Variants in ATP6V1H observed in about 807,000 individuals in gnomAD.
ATP6V1H encodes ATPase H+ transporting V1 subunit H.
Under a neutral mutation model 71.7 loss-of-function variants are expected in ATP6V1H, and 39 were observed. The ratio of observed to expected loss-of-function variants is 0.54; its 90% CI spans 0.42 to 0.71. The LOEUF (loss-of-function observed/expected upper bound fraction) is 0.71, where lower values mean the gene tolerates loss of function less well. Among genes scored for constraint, ATP6V1H ranks in the 30% least tolerant of loss-of-function variants. The probability of loss-of-function intolerance (pLI) is 0.00; values close to 1 mark genes in which losing one functional copy is unlikely to be tolerated. For missense variants in ATP6V1H, 509 were observed against 594.9 expected, an observed-to-expected ratio of 0.86 and a Z score of 1.50; for synonymous variants, 192 against 199.3, an observed-to-expected ratio of 0.96 and a Z score of 0.31.
chr8:53,817,579 A>T, intron 4 of ATP6V1H, 49 bp from the exon 5 acceptor site: 1 of 1,217,538 alleles, frequency 8.2e-7, no homozygotes, highest in Non-Finnish European at 1.2e-6. Flanking sequence ...ATTTTGCTAA[A>T]GAATGTAACG....
chr8:53,772,047 T>C lies in ATP6V1H; in HGVS notation c.991A>G (p.Ile331Val), dbSNP rs1319508395. Residue 331 changes from isoleucine to valine, a missense_variant, in exon 10 of 14, where the codon ATC becomes GTC. By Grantham distance (29) the Ile-to-Val change is conservative. Around this residue, in one of 2 missense-constraint regions of ATP6V1H, gnomAD observed 212 missense variants for 291.6 expected, o/e 0.73. Coordinates refer to ENST00000359530, the MANE Select transcript of ATP6V1H (RefSeq NM_015941.4). ...LEQQKYDDED[I>V]SEDIKFLLEK... ...AAAAGAAATTTGATATCTTCGCTGATATCTTCATCATCGTACTTCTGCTGT... is the reference window on the plus strand; with the variant it reads ...AAAAGAAATTTGATATCTTCGCTGACATCTTCATCATCGTACTTCTGCTGT... The C allele has an allele frequency of 6.2e-7, 1 of 1,614,150 alleles. No homozygotes were observed. Among genetic ancestry groups the C allele is most frequent in the South Asian group, 1.1e-5 (1 of 91,070 alleles).
chr8:53,786,951 T>C (rs1488267170), intron 9 of ATP6V1H, among the ~76,000 whole-genome samples: 1 of 152,228 alleles, frequency 6.6e-6, no homozygotes, highest in Non-Finnish European at 1.5e-5. Flanking sequence ...CAATCAGTCA[T>C]GAGCAAATAC....
intron 13 of ATP6V1H, among the ~76,000 whole-genome samples, chr8:53,722,268 G>A (rs1016961175): frequency 3.8e-4 from 58 of 152,202 alleles, no homozygotes; most frequent in African/African-American, 1.3e-3. Context: ...ATGATGGGCA[G>A]GCAACGCACT....
intron 7 of ATP6V1H, among the ~76,000 whole-genome samples, chr8:53,808,369 T>C (rs1279709650): frequency 1.3e-5 from 2 of 152,346 alleles, no homozygotes; most frequent in African/African-American, 4.8e-5. Context: ...AGTAAACAAC[T>C]CAGACAGTCT....
intron 9 of ATP6V1H, among the ~76,000 whole-genome samples, chr8:53,779,640 G>C (rs1194980189): frequency 6.6e-6 from 1 of 151,756 alleles, no homozygotes; most frequent in Non-Finnish European, 1.5e-5. Flanking sequence ...TGAGAGGGGA[G>C]GTGTAAATCT....
intron 4 of ATP6V1H, among the ~76,000 whole-genome samples, chr8:53,828,405 T>C (rs1393276106): frequency 6.6e-6 from 1 of 152,210 alleles, no homozygotes; most frequent in Non-Finnish European, 1.5e-5. Context: ...TGTTAATTTA[T>C]AGATATGAGC....
intron 3 of ATP6V1H, among the ~76,000 whole-genome samples, chr8:53,830,408 T>C (rs1810968580): frequency 6.6e-6 from 1 of 152,212 alleles, no homozygotes; most frequent in Non-Finnish European, 1.5e-5. Context: ...ATACTTATCC[T>C]AGAACTTACG....
At chr8:53,806,572 AT>A (rs754441162) in intron 7 of ATP6V1H, among the ~76,000 whole-genome samples, 1 of 152,120 alleles carries the variant, frequency 6.6e-6, no homozygotes, top group African/African-American at 2.4e-5. Context: ...CAGAAAAAAA[AT>A]TGTCAGCATA....
intron 3 of ATP6V1H, among the ~76,000 whole-genome samples, chr8:53,829,775 T>C (rs1454755416): frequency 3.3e-5 from 5 of 152,214 alleles, no homozygotes; most frequent in African/African-American, 4.8e-5. Flanking sequence ...TATTTTTAAA[T>C]AGATATACTT....
At chr8:53,782,990 A>G (rs1378236768) in intron 9 of ATP6V1H, among the ~76,000 whole-genome samples, 4 of 151,992 alleles carry the variant, frequency 2.6e-5, no homozygotes, top group African/African-American at 9.7e-5. Flanking sequence ...CAAGGATATT[A>G]GTCTAAAATT....
chr8:53,827,050 T>C (rs1186261851), intron 4 of ATP6V1H, among the ~76,000 whole-genome samples: 1 of 152,068 alleles, frequency 6.6e-6, no homozygotes, highest in African/African-American at 2.4e-5. Context: ...CTGCATAGTT[T>C]TGACTTTTGG....
At chr8:53,821,005 A>G (rs1810634354) in intron 4 of ATP6V1H, among the ~76,000 whole-genome samples, 1 of 151,350 alleles carries the variant, frequency 6.6e-6, no homozygotes, top group Admixed American at 6.6e-5. Flanking sequence ...AGAAAAAGAA[A>G]AAAGAAAAGA....
At chr8:53,835,416 A>G (rs1811126655) in intron 2 of ATP6V1H, among the ~76,000 whole-genome samples, 1 of 152,182 alleles carries the variant, frequency 6.6e-6, no homozygotes. Flanking sequence ...CCCCTCCCCA[A>G]GAGAAGGGAC....
chr8:53,732,898 G>A (rs879910717), intron 13 of ATP6V1H, among the ~76,000 whole-genome samples: 4 of 152,092 alleles, frequency 2.6e-5, no homozygotes, highest in Non-Finnish European at 5.9e-5. Flanking sequence ...GAGGATCAGA[G>A]CCGCGAGAGG....
chr8:53,779,660 T>A (rs1215589778), intron 9 of ATP6V1H, among the ~76,000 whole-genome samples: 1 of 152,034 alleles, frequency 6.6e-6, no homozygotes, highest in South Asian at 2.1e-4. Flanking sequence ...TGTTAACCTC[T>A]TACTTATAAA....
At chr8:53,729,952 G>C (rs1022539579) in intron 13 of ATP6V1H, among the ~76,000 whole-genome samples, 1 of 152,218 alleles carries the variant, frequency 6.6e-6, no homozygotes, top group African/African-American at 2.4e-5. Flanking sequence ...CCAGGAATTT[G>C]GAAGGGCATA....
chr8:53,770,057 A>T (rs368229604), intron 10 of ATP6V1H, among the ~76,000 whole-genome samples: 2 of 152,160 alleles, frequency 1.3e-5, no homozygotes, highest in African/African-American at 4.8e-5. Flanking sequence ...AAAAATTGAT[A>T]ATCAGAATTT....
intron 9 of ATP6V1H, among the ~76,000 whole-genome samples, chr8:53,775,379 T>C (rs1003281618): frequency 6.6e-6 from 1 of 152,338 alleles, no homozygotes; most frequent in African/African-American, 2.4e-5. Flanking sequence ...TTGCCAATGC[T>C]GGCTCGGGCA....
chr8:53,753,039 A>G lies in ATP6V1H; in HGVS notation c.1277+3516T>C, dbSNP rs554405537. Among the ~76,000 whole-genome samples the G allele has an allele frequency of 3.9e-4, 58 of 148,046 alleles. No homozygotes were observed. The Middle Eastern group carries it at 0.014, about 35-fold the overall frequency. On this transcript the variant is annotated intron_variant, in intron 12 of 13. Coordinates refer to ENST00000359530, the MANE Select transcript of ATP6V1H (RefSeq NM_015941.4). ...CTGAACACCCATAAAGTTTGGGGGG[A>G]AAAAAAAAACAACAACCCTATAACC...
Sources: allele counts gnomAD v4.1 joint callset (sites outside exome capture counted in the v4.1 genomes callset), GRCh38; gene constraint gnomAD v4.1.1; regional missense constraint gnomAD v4.1.1; transcripts MANE v1.5; gene names NCBI Gene and HGNC (gene_info 2026-07-23, HGNC 2026-07-21).